ITGA8: variants seen among roughly 807,000 people sequenced by gnomAD.
ITGA8 encodes the protein integrin subunit alpha 8.
A neutral mutation model predicts 142.3 loss-of-function variants in ITGA8; 91 were observed. That is an observed-to-expected ratio of 0.64 (90% confidence interval 0.54 to 0.76). The LOEUF is 0.76. ITGA8 is among the 30% of genes least tolerant of loss of function. The pLI is 0.00. For missense variants in ITGA8, 1,406 were observed against 1,327.7 expected (o/e 1.06, Z -0.92); for synonymous variants, 505 against 485.2 (o/e 1.04, Z -0.54).
At chr10:15,525,774 A>G (rs1833162181) in intron 28 of ITGA8, among the ~76,000 whole-genome samples, 2 of 151,864 alleles carry the variant, frequency 1.3e-5, no homozygotes, top group East Asian at 1.9e-4. Context: ...TTCAACATGT[A>G]ATTGGTTCTT....
intron 28 of ITGA8, among the ~76,000 whole-genome samples, chr10:15,522,603 G>A (rs1051360669): frequency 5.3e-5 from 8 of 152,152 alleles, no homozygotes; most frequent in South Asian, 2.1e-4. Flanking sequence ...GTCCATTGAG[G>A]ACACAATATA....
intron 2 of ITGA8, among the ~76,000 whole-genome samples, chr10:15,702,253 G>T (rs1458552048): frequency 2.0e-5 from 3 of 150,810 alleles, no homozygotes; most frequent in Non-Finnish European, 2.9e-5. Flanking sequence ...ATCTTTACCT[G>T]ATAGATCAAA....
At chr10:15,671,685 A>G (rs1168838165) in intron 7 of ITGA8, 38 bp from the exon 8 acceptor site, 1 of 1,532,030 alleles carries the variant, frequency 6.5e-7, no homozygotes, top group East Asian at 2.3e-5. Context: ...ATCACACTTA[A>G]TGACTTAACC....
intron 28 of ITGA8, among the ~76,000 whole-genome samples, chr10:15,520,057 CTG>C (rs1237892240): frequency 6.6e-6 from 1 of 152,164 alleles, no homozygotes; most frequent in Admixed American, 6.5e-5. Context: ...ATGGAAGTAA[CTG>C]TAGTGTGCAA....
intron 10 of ITGA8, among the ~76,000 whole-genome samples, chr10:15,658,426 CCAG>C (rs1299653354): frequency 6.6e-6 from 1 of 152,142 alleles, no homozygotes; most frequent in Non-Finnish European, 1.5e-5. Flanking sequence ...ACCTCCCCCA[CCAG>C]TCTCCCATGA....
At chr10:15,675,043 C>T (rs1438709213) in intron 6 of ITGA8, among the ~76,000 whole-genome samples, 2 of 152,084 alleles carry the variant, frequency 1.3e-5, no homozygotes, top group Non-Finnish European at 2.9e-5. Flanking sequence ...AACTCTTAAT[C>T]TCAGATTCTA....
chr10:15,694,295 CATATATATGATAATAT>C (rs1240109986), intron 2 of ITGA8, among the ~76,000 whole-genome samples: 19,116 of 123,842 alleles, frequency 0.15, 1,826 homozygotes, highest in South Asian at 0.19. Context: ...GATAATATAT[CATATATATGATAATAT>C]ATCATATATA....
intron 28 of ITGA8, among the ~76,000 whole-genome samples, chr10:15,529,510 G>A (rs1382118902): frequency 2.0e-5 from 3 of 152,160 alleles, no homozygotes; most frequent in Non-Finnish European, 4.4e-5. Context: ...ACCTGCCTGT[G>A]CTAGAAGCTC....
At chr10:15,543,018 T>C (rs1470340340) in intron 27 of ITGA8, among the ~76,000 whole-genome samples, 3 of 152,178 alleles carry the variant, frequency 2.0e-5, no homozygotes, top group African/African-American at 7.2e-5. Flanking sequence ...AGTAGGCTAT[T>C]AAGAGCATAC....
chr10:15,701,607 A>C (rs1835165635), intron 2 of ITGA8, among the ~76,000 whole-genome samples: 1 of 152,210 alleles, frequency 6.6e-6, no homozygotes, highest in South Asian at 2.1e-4. Flanking sequence ...AATGAGAGGA[A>C]TTACACGAAG....
At chr10:15,547,449 G>A (rs1487060377) in intron 27 of ITGA8, among the ~76,000 whole-genome samples, 1 of 152,184 alleles carries the variant, frequency 6.6e-6, no homozygotes, top group African/African-American at 2.4e-5. Flanking sequence ...GCCCACGCCT[G>A]TAGTCCCAGC....
intron 8 of ITGA8, among the ~76,000 whole-genome samples, chr10:15,661,203 C>T (rs574625420): frequency 6.6e-6 from 1 of 152,318 alleles, no homozygotes; most frequent in East Asian, 1.9e-4. Context: ...TGAGCACTGC[C>T]TCCTGTCTGA....
intron 9 of ITGA8, among the ~76,000 whole-genome samples, chr10:15,659,334 A>G (rs981987369): frequency 3.9e-5 from 6 of 152,350 alleles, no homozygotes; most frequent in African/African-American, 1.4e-4. Context: ...ACTGAGAGCA[A>G]TTAACTTGAT....
At chr10:15,663,436 T>G (rs976189562) in intron 8 of ITGA8, among the ~76,000 whole-genome samples, 1 of 152,188 alleles carries the variant, frequency 6.6e-6, no homozygotes, top group Admixed American at 6.5e-5. Context: ...ACCCAATCCA[T>G]TTTTCAGATA....
rs924018561 is a variant in ITGA8 at position 15,667,607 on chromosome 10, T to C, written c.847+3996A>G. On this transcript the variant is annotated intron_variant, in intron 8 of 29. Transcript: ENST00000378076. ...ACTTCTCTAGTTCTTTTAATTGTGA[T>C]GTTAGGGTGTCAATTTTAGATCTTT... Among the ~76,000 whole-genome samples the C allele has an allele frequency of 1.2e-4, 18 of 152,342 alleles. No individual in the cohort carries two copies. The East Asian group carries it at 1.5e-3, about 13-fold the overall frequency.
At chr10:15,618,121 G>A (rs1833427291) in intron 13 of ITGA8, among the ~76,000 whole-genome samples, 1 of 152,144 alleles carries the variant, frequency 6.6e-6, no homozygotes, top group Non-Finnish European at 1.5e-5. Context: ...ATTACTCACG[G>A]AGTCCAGTGT....
intron 27 of ITGA8, among the ~76,000 whole-genome samples, chr10:15,536,033 C>T (rs1833428466): frequency 6.6e-6 from 1 of 151,536 alleles, no homozygotes; most frequent in Admixed American, 6.6e-5. Flanking sequence ...CCAGCGAGAC[C>T]ACGAACCCAC....
intron 22 of ITGA8, among the ~76,000 whole-genome samples, chr10:15,590,734 C>A (rs1832908188): frequency 6.6e-6 from 1 of 151,980 alleles, no homozygotes; most frequent in Non-Finnish European, 1.5e-5. Context: ...TTTACAGATA[C>A]AAAGAAATGA....
chr10:15,657,509 C>CTTTTTT (rs534714654), intron 10 of ITGA8, among the ~76,000 whole-genome samples: 3,573 of 115,860 alleles, frequency 0.031, 230 homozygotes, highest in East Asian at 0.11. Context: ...TCTTTTCTTT[C>CTTTTTT]ATTTTTTTTT....
Sources: allele counts gnomAD v4.1 joint callset (sites outside exome capture counted in the v4.1 genomes callset), GRCh38; gene constraint gnomAD v4.1.1; transcripts MANE v1.5; gene names NCBI Gene and HGNC (gene_info 2026-07-23, HGNC 2026-07-21).